The following ARSJ variants were observed in gnomAD, a reference collection of about 807,000 sequenced individuals.
ARSJ encodes arylsulfatase family member J, also known as arylsulfatase J.
Under a neutral mutation model 35.9 loss-of-function variants are expected in ARSJ, and 26 were observed. The observed-to-expected ratio is 0.72, with a 90% CI of 0.53 to 1.00. The LOEUF is 1.00. ARSJ is among the 50% of genes least tolerant of loss of function. The pLI is 0.00. For missense variants in ARSJ, 667 were observed against 723.6 expected (o/e 0.92, Z 0.90); for synonymous variants, 294 against 267.6 (o/e 1.10, Z -0.96).
chr4:113,944,714 A>T (rs4521416), intron 1 of ARSJ, among the ~76,000 whole-genome samples: 103,796 of 151,810 alleles, frequency 0.68, 35,602 homozygotes, highest in East Asian at 0.74. Context: ...TGGTAGAAGA[A>T]TGAGAGTAAT....
intron 1 of ARSJ, among the ~76,000 whole-genome samples, chr4:113,933,582 A>T (rs1724591120): frequency 6.6e-6 from 1 of 151,868 alleles, no homozygotes; most frequent in African/African-American, 2.4e-5. Flanking sequence ...ATATTAACAG[A>T]ACAATTATCA....
At chr4:113,928,512 A>G (rs1443948775) in intron 1 of ARSJ, among the ~76,000 whole-genome samples, 5 of 152,118 alleles carry the variant, frequency 3.3e-5, no homozygotes, top group South Asian at 2.1e-4. Context: ...CTTCCTATCA[A>G]TTTCACTTCT....
chr4:113,910,927 G>C (rs77413775), intron 1 of ARSJ, among the ~76,000 whole-genome samples: 169 of 152,282 alleles, frequency 1.1e-3, no homozygotes, highest in Middle Eastern at 6.8e-3. Context: ...GCTCATAGTA[G>C]AGTCAGGACA....
At chr4:113,936,306 T>C (rs949798151) in intron 1 of ARSJ, among the ~76,000 whole-genome samples, 3 of 151,954 alleles carry the variant, frequency 2.0e-5, no homozygotes, top group Non-Finnish European at 4.4e-5. Flanking sequence ...TGATATTTGT[T>C]GAGTTTTTAT....
chr4:113,948,628 T>C (rs1459568139), intron 1 of ARSJ, among the ~76,000 whole-genome samples: 1 of 152,154 alleles, frequency 6.6e-6, no homozygotes, highest in Non-Finnish European at 1.5e-5. Flanking sequence ...GAGTCATTTA[T>C]TATGCTTCAC....
rs895026620 is a variant in ARSJ at position 113,900,444 on chromosome 4, T to C, written c.*1830A>G. The C allele has an allele frequency of 6.6e-6, 1 of 152,162 alleles. No individual in the cohort carries two copies. Among genetic ancestry groups the C allele is most frequent in the African/African-American group, 2.4e-5 (1 of 41,426 alleles). The allele number at this position is 152,162 out of a possible 1,614,324, so 9.4% of individuals were successfully genotyped here. A position where few individuals can be genotyped will look rare whatever the true frequency, so the allele number is the denominator to read the frequency against. Reference sequence around the variant, plus strand: ...AAATCATTTAAATCATCTTACCCAATTTAGTAATTTCAGTACTAGATTATA... The same window carrying C: ...AAATCATTTAAATCATCTTACCCAACTTAGTAATTTCAGTACTAGATTATA... On this transcript the variant is annotated 3_prime_UTR_variant, in exon 2 of 2. Coordinates refer to ENST00000315366, the MANE Select transcript of ARSJ (RefSeq NM_024590.4).
chr4:113,903,260 G>A lies in ARSJ; in HGVS notation c.814C>T (p.Leu272=), dbSNP rs1022614215. 6.2e-7 allele frequency: 1 copy of A among 1,614,102 alleles called. No homozygotes were observed. Among genetic ancestry groups the A allele is most frequent in the Non-Finnish European group, 8.5e-7 (1 of 1,180,048 alleles). ...YIAYQAVHSP[L]QAPGRYFEHY... is the part of the protein sequence containing the mutation. ...TCGAAATACCTGCCAGGAGCTTGCA[G>A]TGGTGAATGAACAGCTTGATAGGCA... The change falls in exon 2 of 2, where the codon CTG becomes TTG. Residue 272 remains leucine (L), a synonymous_variant. Transcript: ENST00000315366.
chr4:113,928,795 A>T (rs557630257), intron 1 of ARSJ, among the ~76,000 whole-genome samples: 2 of 152,252 alleles, frequency 1.3e-5, no homozygotes, highest in East Asian at 3.9e-4. Context: ...TCCCTCACAA[A>T]TCTGTTTTGC....
chr4:113,908,629 T>C (rs2099669494), intron 1 of ARSJ, among the ~76,000 whole-genome samples: 1 of 152,148 alleles, frequency 6.6e-6, no homozygotes, highest in African/African-American at 2.4e-5. Context: ...AATAATCCCA[T>C]TATGTTAATT....
intron 1 of ARSJ, among the ~76,000 whole-genome samples, chr4:113,905,660 AT>A (rs766150372): frequency 0.013 from 1,088 of 81,730 alleles, 17 homozygotes; most frequent in African/African-American, 0.049. Flanking sequence ...GTTCTTGATA[AT>A]TTTTTTTTTT....
At position 113,949,154 on chromosome 4, in the gene ARSJ, C is replaced by T. The variant is rs149693460; in HGVS notation, c.398+29283G>A. Among the ~76,000 whole-genome samples, 1,424 of 147,842 alleles carry T rather than the reference C, an allele frequency of 9.6e-3. 24 individuals carry two copies. Among genetic ancestry groups the T allele is most frequent in the African/African-American group, 0.034 (1,356 of 40,106 alleles). On this transcript the variant is annotated intron_variant, in intron 1 of 1. Transcript: ENST00000315366. ...GAGTTGAACAATGAGAACATATGGGCACAGGGAGGGGAACATAACAGGGGG... is the reference window on the plus strand; with the variant it reads ...GAGTTGAACAATGAGAACATATGGGTACAGGGAGGGGAACATAACAGGGGG...
intron 1 of ARSJ, chr4:113,970,557 T>G (rs1727175851): frequency 6.6e-6 from 1 of 152,342 alleles, no homozygotes; most frequent in African/African-American, 2.4e-5. Context: ...AAATTATTTC[T>G]TTTCCTATTC....
chr4:113,904,621 A>T (rs2099668185), intron 1 of ARSJ, among the ~76,000 whole-genome samples: 1 of 152,140 alleles, frequency 6.6e-6, no homozygotes, highest in South Asian at 2.1e-4. Flanking sequence ...AGTAGCTGGG[A>T]CTACAGGCGC....
chr4:113,973,185 G>C (rs1423343054), intron 1 of ARSJ, among the ~76,000 whole-genome samples: 1 of 152,084 alleles, frequency 6.6e-6, no homozygotes, highest in African/African-American at 2.4e-5. Context: ...TACTTCCAAA[G>C]ATGTTTTACC....
At chr4:113,935,528 A>C (rs1355059490) in intron 1 of ARSJ, among the ~76,000 whole-genome samples, 1 of 151,924 alleles carries the variant, frequency 6.6e-6, no homozygotes, top group Non-Finnish European at 1.5e-5. Context: ...CAGAAAAATA[A>C]GGAAAGGGTT....
In ARSJ at chr4:113,900,628, A is replaced by G. The variant is rs1280733733; in HGVS notation, c.*1646T>C. ...GTCATACCACCACACACATTTTCAGATCACAGTTATAACTTCAAAGATCAT... is the reference window on the plus strand; with the variant it reads ...GTCATACCACCACACACATTTTCAGGTCACAGTTATAACTTCAAAGATCAT... On this transcript the variant is annotated 3_prime_UTR_variant, in exon 2 of 2. Coordinates refer to ENST00000315366, the MANE Select transcript of ARSJ (RefSeq NM_024590.4). The G allele has an allele frequency of 6.6e-6, 1 of 152,174 alleles. No individual in the cohort carries two copies. The highest frequency in any genetic ancestry group is 1.9e-4 in the East Asian group (1 of 5,200). The allele number at this position is 152,174 out of a possible 1,614,324, so 9.4% of individuals were successfully genotyped here.
chr4:113,902,635 C>T lies in ARSJ; in HGVS notation c.1439G>A (p.Trp480Ter), dbSNP rs200919333. 6.2e-5 allele frequency: 100 copies of T among 1,614,156 alleles called. No homozygotes were observed. The African/African-American group carries it at 1.2e-3, about 20-fold the overall frequency. ...QSFSNLGPNR[W>*]HNERITLSTG... ...TGACAAGGTGATCCGTTCATTGTGC[C>T]ACCGGTTCGGTCCCAGGTTGCTGAA... is the stretch of plus-strand genomic sequence containing the variant. Residue 480 changes from tryptophan to a stop codon, truncating the protein, a stop_gained, in exon 2 of 2, where the codon TGG (tryptophan) becomes TAG (stop). Transcript: ENST00000315366. LOFTEE classifies it low-confidence loss of function (END_TRUNC).
intron 1 of ARSJ, among the ~76,000 whole-genome samples, chr4:113,921,115 A>ACT (rs376522918): frequency 0.056 from 7,895 of 141,080 alleles, 262 homozygotes; most frequent in Non-Finnish European, 0.081. Context: ...ACACACACAC[A>ACT]CACTTTAAAT....
At chr4:113,933,509 G>A (rs943913840) in intron 1 of ARSJ, among the ~76,000 whole-genome samples, 13 of 151,836 alleles carry the variant, frequency 8.6e-5, no homozygotes, top group African/African-American at 3.1e-4. Context: ...CTATGATCAA[G>A]TGGGATTTCA....
Sources: allele counts gnomAD v4.1 joint callset (sites outside exome capture counted in the v4.1 genomes callset), GRCh38; gene constraint gnomAD v4.1.1; transcripts MANE v1.5; gene names NCBI Gene and HGNC (gene_info 2026-07-23, HGNC 2026-07-21).